The following LAPTM4B variants were observed in gnomAD, a reference collection of about 807,000 sequenced individuals.
The protein encoded by LAPTM4B is lysosomal protein transmembrane 4 beta.
Under a neutral mutation model 28.5 loss-of-function variants are expected in LAPTM4B, and 26 were observed. The ratio of observed to expected loss-of-function variants is 0.91; its 90% confidence interval spans 0.67 to 1.27. The LOEUF (loss-of-function observed/expected upper bound fraction) is 1.27. Ranked by LOEUF, LAPTM4B falls within the 50% of genes most tolerant of loss-of-function variation. The pLI is 0.00. For synonymous variants in LAPTM4B, 109 were observed against 106.4 expected, an observed-to-expected ratio of 1.02 and a Z score of -0.15; for missense variants, 288 against 285.8, an observed-to-expected ratio of 1.01 and a Z score of -0.06.
At chr8:97,815,771 T>C (rs1816902273) in intron 3 of LAPTM4B, among the ~76,000 whole-genome samples, 1 of 152,130 alleles carries the variant, frequency 6.6e-6, no homozygotes, top group South Asian at 2.1e-4. Context: ...TTTCACCATG[T>C]TGGGCAGGCT....
In LAPTM4B at chr8:97,819,154, C is replaced by G; in HGVS notation, c.423C>G (p.Pro141=). 1 of 1,605,374 alleles carries G rather than the reference C, an allele frequency of 6.2e-7. No homozygotes were observed. The highest frequency in any genetic ancestry group is 8.5e-7 in the Non-Finnish European group (1 of 1,174,880). The change falls in exon 5 of 7, where the codon CCC becomes CCG. Residue 141 remains proline (P), a synonymous_variant. Transcript: ENST00000521545. ...EYIRQLPPNF[P]YRDDVMSVNP... is the part of the protein sequence containing the mutation. ...TTCTTTTGCAGCCTCCTAATTTTCCCTACAGAGATGATGTCATGTCAGTGA... is the reference window on the plus strand; with the variant it reads ...TTCTTTTGCAGCCTCCTAATTTTCCGTACAGAGATGATGTCATGTCAGTGA...
chr8:97,832,465 T>A (rs1156289390), intron 6 of LAPTM4B, among the ~76,000 whole-genome samples: 1 of 152,198 alleles, frequency 6.6e-6, no homozygotes, highest in African/African-American at 2.4e-5. Context: ...ATTTTTAAGA[T>A]GAGGAAACTG....
intron 1 of LAPTM4B, among the ~76,000 whole-genome samples, chr8:97,802,263 A>T (rs1056164193): frequency 6.6e-6 from 1 of 152,164 alleles, no homozygotes; most frequent in Non-Finnish European, 1.5e-5. Context: ...TGATAATACT[A>T]TAATTATTTA....
intron 1 of LAPTM4B, among the ~76,000 whole-genome samples, chr8:97,795,686 C>T (rs964656610): frequency 2.0e-5 from 3 of 151,864 alleles, no homozygotes; most frequent in Non-Finnish European, 4.4e-5. Flanking sequence ...AACCCTGTCT[C>T]TACTAAAAAT....
At chr8:97,822,229 AGTTC>A (rs145361316) in intron 5 of LAPTM4B, among the ~76,000 whole-genome samples, 4,289 of 151,974 alleles carry the variant, frequency 0.028, 197 homozygotes, top group African/African-American at 0.099. Flanking sequence ...CACTCATTGT[AGTTC>A]GTCTTTGAAG....
intron 6 of LAPTM4B, among the ~76,000 whole-genome samples, chr8:97,832,159 A>G (rs1396780064): frequency 6.6e-6 from 1 of 152,158 alleles, no homozygotes; most frequent in Admixed American, 6.6e-5. Flanking sequence ...TTTGGAGAAA[A>G]CTTCTATTTT....
chr8:97,781,530 G>C (rs1048821372), intron 1 of LAPTM4B, among the ~76,000 whole-genome samples: 1 of 151,676 alleles, frequency 6.6e-6, no homozygotes, highest in African/African-American at 2.4e-5. Flanking sequence ...CGCCCGCCTC[G>C]GCCTCCCACA....
At chr8:97,786,701 GAA>G (rs147660476) in intron 1 of LAPTM4B, among the ~76,000 whole-genome samples, 12 of 89,268 alleles carry the variant, frequency 1.3e-4, no homozygotes, top group African/African-American at 3.0e-4. Flanking sequence ...TCCCGTCTCA[GAA>G]AAAAAAAAAA....
At chr8:97,819,943 G>A (rs1586335528) in intron 5 of LAPTM4B, among the ~76,000 whole-genome samples, 2 of 152,124 alleles carry the variant, frequency 1.3e-5, no homozygotes, top group South Asian at 2.1e-4. Context: ...CACTGTGTTA[G>A]CCAGGATGGT....
rs367762888 is a variant in LAPTM4B, at chr8:97,819,125, C to G, written c.409-15C>G. 37 of 1,486,976 alleles carry G rather than the reference C, an allele frequency of 2.5e-5. No homozygotes were observed. Among genetic ancestry groups the G allele is most frequent in the Admixed American group, 5.3e-5 (3 of 56,820 alleles). 92.1% of individuals were successfully genotyped at this position (1,486,976 alleles called of 1,614,324 possible). A position where few individuals can be genotyped will look rare whatever the true frequency, so the allele number is the denominator to read the frequency against. On this transcript the variant is annotated splice_polypyrimidine_tract_variant and intron_variant, in intron 4 of 6. Coordinates refer to ENST00000521545, the MANE Select transcript of LAPTM4B (RefSeq NM_018407.6). ...GATTAATGAGATTTGCTAATGAGGCCCTTTTCTTTTGCAGCCTCCTAATTT... is the reference window on the plus strand; with the variant it reads ...GATTAATGAGATTTGCTAATGAGGCGCTTTTCTTTTGCAGCCTCCTAATTT...
chr8:97,802,527 G>A (rs1034175541), intron 1 of LAPTM4B, among the ~76,000 whole-genome samples: 2 of 152,136 alleles, frequency 1.3e-5, no homozygotes, highest in African/African-American at 4.8e-5. Flanking sequence ...GTTTTGATGG[G>A]TTTTGGCCGG....
intron 1 of LAPTM4B, among the ~76,000 whole-genome samples, chr8:97,799,961 T>C (rs6992554): frequency 0.51 from 77,323 of 151,966 alleles, 19,912 homozygotes; most frequent in East Asian, 0.58. Context: ...CTTCATCTTT[T>C]GAGTTCCTGT....
At chr8:97,812,706 G>T (rs921702832) in intron 2 of LAPTM4B, among the ~76,000 whole-genome samples, 1 of 152,166 alleles carries the variant, frequency 6.6e-6, no homozygotes, top group Admixed American at 6.5e-5. Context: ...GAGGAGCAGT[G>T]ACATTTGGAC....
chr8:97,825,150 T>C lies in LAPTM4B; in HGVS notation c.600T>C (p.Thr200=). 8 of 1,544,520 alleles carry C rather than the reference T, an allele frequency of 5.2e-6. No individual in the cohort carries two copies. Among genetic ancestry groups the C allele is most frequent in the Non-Finnish European group, 6.3e-6 (7 of 1,117,018 alleles). ...DVLVYVTSND[T]TVLLPPYDDA... ...TGGTTTATGTTACCAGCAATGACAC[T>C]ACGGTAGGTATGATGTCACTTATGG... Residue 200 remains threonine, a synonymous_variant, in exon 6 of 7, where the codon ACT becomes ACC. Transcript: ENST00000521545.
intron 1 of LAPTM4B, among the ~76,000 whole-genome samples, chr8:97,801,830 C>A (rs138038272): frequency 9.3e-6 from 1 of 106,986 alleles, no homozygotes; most frequent in African/African-American, 3.8e-5. Context: ...GGCGACAGTG[C>A]GAAACTCCAT....
intron 1 of LAPTM4B, among the ~76,000 whole-genome samples, chr8:97,802,684 C>T (rs1816702384): frequency 6.6e-6 from 1 of 152,158 alleles, no homozygotes. Context: ...AGCCCCTGTT[C>T]ATAATGGAGT....
At chr8:97,844,518 CTG>C in intron 6 of LAPTM4B, among the ~76,000 whole-genome samples, 1 of 152,274 alleles carries the variant, frequency 6.6e-6, no homozygotes, top group South Asian at 2.1e-4. Flanking sequence ...CATCCTAGGT[CTG>C]TAGTTTCCAT....
intron 1 of LAPTM4B, among the ~76,000 whole-genome samples, chr8:97,787,783 A>G (rs773447966): frequency 6.9e-4 from 105 of 152,098 alleles, no homozygotes; most frequent in Admixed American, 1.7e-3. Flanking sequence ...CTCTTTCTCC[A>G]TTACTCCTTT....
In LAPTM4B at chr8:97,825,044, C is replaced by G. The variant is rs751707991; in HGVS notation, c.508-14C>G. On this transcript the variant is annotated splice_polypyrimidine_tract_variant and intron_variant, in intron 5 of 6. Transcript: ENST00000521545. ...TTGAAAATTAAAAATCTGATAATCA[C>G]TCCTCATTTTCAGGGTTACTTGATT... 4 of 1,407,438 alleles carry G rather than the reference C, an allele frequency of 2.8e-6. No homozygotes were observed. The highest frequency in any genetic ancestry group is 4.0e-6 in the Non-Finnish European group (4 of 994,554). 87.2% of individuals were successfully genotyped at this position (1,407,438 alleles called of 1,614,324 possible). A position where few individuals can be genotyped will look rare whatever the true frequency, so the allele number is the denominator to read the frequency against.
Sources: allele counts gnomAD v4.1 joint callset (sites outside exome capture counted in the v4.1 genomes callset), GRCh38; gene constraint gnomAD v4.1.1; transcripts MANE v1.5; gene names NCBI Gene and HGNC (gene_info 2026-07-23, HGNC 2026-07-21).